The following PTPRD variants were observed in gnomAD, a reference collection of about 807,000 sequenced individuals.
PTPRD encodes receptor-type tyrosine-protein phosphatase delta.
In PTPRD, 34 loss-of-function variants were observed where a neutral mutation model predicts 214.5. That is an observed-to-expected ratio of 0.16 (90% CI 0.12 to 0.21). The LOEUF (loss-of-function observed/expected upper bound fraction) is 0.21. PTPRD is among the 10% of genes least tolerant of loss of function. The probability of loss-of-function intolerance (pLI) is 1.00; values close to 1 mark genes in which losing one functional copy is unlikely to be tolerated. For missense variants in PTPRD, 2,545 were observed against 2,398.7 expected (o/e 1.06, Z -1.27); for synonymous variants, 1,128 against 845.7 (o/e 1.33, Z -5.79).
At chr9:9,126,294 A>C (rs1371388481) in intron 10 of PTPRD, among the ~76,000 whole-genome samples, 1 of 152,230 alleles carries the variant, frequency 6.6e-6, no homozygotes, top group Non-Finnish European at 1.5e-5. Context: ...CAATTCCTAT[A>C]GCCTTTGGCA....
chr9:9,487,645 T>C (rs2095708529), intron 8 of PTPRD, among the ~76,000 whole-genome samples: 1 of 152,180 alleles, frequency 6.6e-6, no homozygotes, highest in African/African-American at 2.4e-5. Flanking sequence ...AAGCCCATTA[T>C]TTTCAATCAT....
At chr9:9,661,111 G>T (rs905341816) in intron 7 of PTPRD, among the ~76,000 whole-genome samples, 3 of 151,886 alleles carry the variant, frequency 2.0e-5, no homozygotes, top group African/African-American at 7.2e-5. Context: ...TTTTCTCTAT[G>T]TGGGGGTCTA....
intron 9 of PTPRD, among the ~76,000 whole-genome samples, chr9:9,247,882 T>C (rs1164580995): frequency 2.0e-5 from 3 of 152,142 alleles, no homozygotes; most frequent in Non-Finnish European, 4.4e-5. Flanking sequence ...ATACATTTCA[T>C]TTGCATTTCT....
At chr9:9,040,469 T>C (rs1347624954) in intron 10 of PTPRD, among the ~76,000 whole-genome samples, 1 of 152,160 alleles carries the variant, frequency 6.6e-6, no homozygotes, top group African/African-American at 2.4e-5. Context: ...TCTGCACATT[T>C]ATATTGGAGT....
chr9:9,812,565 CAA>C (rs35380041), intron 5 of PTPRD, among the ~76,000 whole-genome samples: 70,657 of 151,360 alleles, frequency 0.47, 19,918 homozygotes, highest in African/African-American at 0.8. Context: ...AAATCTGTCA[CAA>C]AAAAAGTCAC....
chr9:8,940,350 T>C (rs2154293916), intron 11 of PTPRD, among the ~76,000 whole-genome samples: 1 of 138,444 alleles, frequency 7.2e-6, no homozygotes, highest in Admixed American at 7.9e-5. Flanking sequence ...TGGCGCAATC[T>C]TGGCCCACTG....
At chr9:9,156,637 C>T (rs566110895) in intron 10 of PTPRD, among the ~76,000 whole-genome samples, 9 of 152,136 alleles carry the variant, frequency 5.9e-5, no homozygotes, top group African/African-American at 1.4e-4. Context: ...TGATTCACAG[C>T]GGCGTCATGT....
chr9:9,075,756 C>G (rs893828407), intron 10 of PTPRD, among the ~76,000 whole-genome samples: 3 of 152,160 alleles, frequency 2.0e-5, no homozygotes, highest in African/African-American at 7.2e-5. Flanking sequence ...TTTTTTATGG[C>G]TGCATAGTAT....
At chr9:10,462,826 T>C (rs1364521152) in intron 2 of PTPRD, among the ~76,000 whole-genome samples, 3 of 151,754 alleles carry the variant, frequency 2.0e-5, no homozygotes, top group Admixed American at 6.6e-5. Flanking sequence ...AGTAGTACAT[T>C]GTAAAATGTA....
At chr9:8,556,588 A>G (rs1242978576) in intron 14 of PTPRD, among the ~76,000 whole-genome samples, 1 of 144,238 alleles carries the variant, frequency 6.9e-6, no homozygotes, top group African/African-American at 2.9e-5. Context: ...TAGAATAAAT[A>G]TGCATTTAAT....
chr9:9,507,412 G>T (rs1191852404), intron 8 of PTPRD, among the ~76,000 whole-genome samples: 1 of 150,900 alleles, frequency 6.6e-6, no homozygotes, highest in African/African-American at 2.4e-5. Context: ...AAAATGTAAG[G>T]CTTTGTACTA....
rs1821974530 is a variant in PTPRD, at chr9:8,316,613, C to CTAT, written c.*1258_*1260dup. The CTAT allele has an allele frequency of 4.3e-6, 1 of 230,768 alleles. No homozygotes were observed. The highest frequency in any genetic ancestry group is 8.6e-6 in the Non-Finnish European group (1 of 116,248). The allele number at this position is 230,768 out of a possible 1,614,324, so 14.3% of individuals were successfully genotyped here. The stretch of plus-strand genomic sequence containing the variant: ...CCTTTCCCACATGCACACCTCTTAG[C>CTAT]TATTTAATAATAATTTTTATTGCAC... On this transcript the variant is annotated 3_prime_UTR_variant, in exon 46 of 46. Coordinates refer to ENST00000381196, the MANE Select transcript of PTPRD (RefSeq NM_002839.4).
chr9:8,812,456 T>C (rs1055737536), intron 11 of PTPRD, among the ~76,000 whole-genome samples: 8 of 152,222 alleles, frequency 5.3e-5, no homozygotes, highest in African/African-American at 1.7e-4. Context: ...CTTATATCCA[T>C]CAATTCCCAC....
chr9:10,498,311 G>C (rs1390449783), intron 2 of PTPRD, among the ~76,000 whole-genome samples: 1 of 151,964 alleles, frequency 6.6e-6, no homozygotes, highest in Admixed American at 6.6e-5. Flanking sequence ...TTACAGGAGA[G>C]AAAAGGTTAT....
chr9:10,273,301 C>T (rs1365626376), intron 3 of PTPRD, among the ~76,000 whole-genome samples: 1 of 151,976 alleles, frequency 6.6e-6, no homozygotes, highest in African/African-American at 2.4e-5. Flanking sequence ...CCATGGGGTA[C>T]ATATTAGATT....
chr9:10,475,809 C>T (rs982946685), intron 2 of PTPRD, among the ~76,000 whole-genome samples: 2 of 151,996 alleles, frequency 1.3e-5, no homozygotes, highest in South Asian at 2.1e-4. Context: ...CCCCAGGATG[C>T]AAGGCTGGTT....
At chr9:9,061,370 T>A (rs2099707047) in intron 10 of PTPRD, among the ~76,000 whole-genome samples, 3 of 152,344 alleles carry the variant, frequency 2.0e-5, no homozygotes, top group Admixed American at 2.0e-4. Context: ...TTCATGGATA[T>A]GTAGCCTTAG....
At chr9:9,950,978 T>G (rs964913151) in intron 4 of PTPRD, among the ~76,000 whole-genome samples, 20 of 152,078 alleles carry the variant, frequency 1.3e-4, no homozygotes, top group Non-Finnish European at 2.4e-4. Context: ...AGAATAGAAT[T>G]TGGGGGCTGG....
chr9:9,884,542 C>G (rs1487594385), intron 5 of PTPRD, among the ~76,000 whole-genome samples: 1 of 152,030 alleles, frequency 6.6e-6, no homozygotes, highest in Non-Finnish European at 1.5e-5. Flanking sequence ...GAATAGATGG[C>G]AGGTAGAAGC....
Sources: gnomAD v4.1 joint callset for allele counts (sites outside exome capture counted in the v4.1 genomes callset) on GRCh38, gnomAD v4.1.1 for gene constraint, MANE v1.5 for transcripts, NCBI Gene and HGNC (gene_info 2026-07-23, HGNC 2026-07-21) for gene names.